Variants in DLG2 observed in about 807,000 individuals in gnomAD.
The protein encoded by DLG2 is discs large MAGUK scaffold protein 2.
A neutral mutation model predicts 132.5 loss-of-function variants in DLG2; 45 were observed. That is an observed-to-expected ratio of 0.34 (90% CI 0.27 to 0.44). The LOEUF (loss-of-function observed/expected upper bound fraction) is 0.44, where lower values mean the gene tolerates loss of function less well. Among genes scored for constraint, DLG2 ranks in the 20% least tolerant of loss-of-function variants. The probability of loss-of-function intolerance (pLI) is 1.00; values close to 1 mark genes in which losing one functional copy is unlikely to be tolerated. For missense variants in DLG2, 1,045 were observed against 1,196.9 expected (o/e 0.87, Z 1.87); for synonymous variants, 424 against 419.6 (o/e 1.01, Z -0.13).
At chr11:84,192,055 C>T (rs1195987610) in intron 8 of DLG2, among the ~76,000 whole-genome samples, 1 of 151,822 alleles carries the variant, frequency 6.6e-6, no homozygotes, top group Non-Finnish European at 1.5e-5. Flanking sequence ...TTTTAAAGGA[C>T]ACATTAATCC....
At chr11:85,130,202 C>T (rs2075561215) in intron 5 of DLG2, among the ~76,000 whole-genome samples, 1 of 152,076 alleles carries the variant, frequency 6.6e-6, no homozygotes, top group African/African-American at 2.4e-5. Context: ...ACTTAAAGTA[C>T]AATTCTAAAA....
chr11:83,640,061 CTCTT>C (rs1433422867), intron 18 of DLG2, among the ~76,000 whole-genome samples: 1 of 152,182 alleles, frequency 6.6e-6, no homozygotes, highest in Admixed American at 6.5e-5. Context: ...CAGTGGCACC[CTCTT>C]TCTATTTGTT....
intron 13 of DLG2, 78 bp downstream of exon 13, chr11:83,965,246 G>C (rs1270120682): frequency 1.4e-6 from 2 of 1,452,770 alleles, no homozygotes; most frequent in Non-Finnish European, 1.9e-6. Context: ...GGTACAAGTA[G>C]AACACTTTGT....
intron 21 of DLG2, among the ~76,000 whole-genome samples, chr11:83,521,004 C>G (rs955050600): frequency 6.6e-6 from 1 of 152,144 alleles, no homozygotes; most frequent in Non-Finnish European, 1.5e-5. Context: ...CAAATGTTTG[C>G]CAGACCATTT....
At chr11:83,643,914 T>A (rs1454659002) in intron 18 of DLG2, among the ~76,000 whole-genome samples, 1 of 152,084 alleles carries the variant, frequency 6.6e-6, no homozygotes, top group Admixed American at 6.6e-5. Flanking sequence ...GTTCCTGACA[T>A]GAACATGTCC....
At chr11:84,420,645 GTTTTCTTTTTTT>G (rs1347410960) in intron 7 of DLG2, among the ~76,000 whole-genome samples, 109 of 48,946 alleles carry the variant, frequency 2.2e-3, no homozygotes, top group Middle Eastern at 0.018. Context: ...ACCAATGCTT[GTTTTCTTTTTTT>G]TTTTTTTTTT....
rs1597106229 is a variant in DLG2 at position 85,414,055 on chromosome 11, G to T, written c.41-128690C>A. Among the ~76,000 whole-genome samples the T allele has an allele frequency of 4.6e-5, 7 of 152,064 alleles. No homozygotes were observed. The South Asian group carries it at 1.5e-3, about 32-fold the overall frequency. The stretch of plus-strand genomic sequence containing the variant: ...GCATGGGATGTGTTTCCATTTGTTT[G>T]TGTCATCTATGATTTCTTTCAGCAG... On this transcript the variant is annotated intron_variant, in intron 3 of 27. Transcript: ENST00000376104.
At chr11:83,541,532 A>C in intron 20 of DLG2, 150 bp downstream of exon 20, 1 of 709,104 alleles carries the variant, frequency 1.4e-6, no homozygotes, top group Non-Finnish European at 2.2e-6. Context: ...AATTCATGTC[A>C]CCTGTCACCA....
At chr11:83,877,630 A>T (rs1009395125) in intron 15 of DLG2, among the ~76,000 whole-genome samples, 2 of 152,170 alleles carry the variant, frequency 1.3e-5, no homozygotes, top group East Asian at 1.9e-4. Context: ...CTCCTTTTAT[A>T]TTACACATGC....
chr11:84,421,895 T>C (rs917257570), intron 7 of DLG2, among the ~76,000 whole-genome samples: 1 of 152,184 alleles, frequency 6.6e-6, no homozygotes, highest in Non-Finnish European at 1.5e-5. Context: ...ACTTCTTATG[T>C]TAAGTATTTT....
chr11:83,485,322 G>GT (rs1230693732), intron 21 of DLG2, among the ~76,000 whole-genome samples: 1 of 152,084 alleles, frequency 6.6e-6, no homozygotes, highest in African/African-American at 2.4e-5. Context: ...TTATGCAAAT[G>GT]TTTTGTGGGG....
chr11:84,130,586 C>T (rs1392073094), intron 9 of DLG2, among the ~76,000 whole-genome samples: 3 of 150,714 alleles, frequency 2.0e-5, no homozygotes, highest in African/African-American at 7.3e-5. Context: ...TAGACACACA[C>T]ACACACACAC....
In DLG2 at chr11:84,135,885, A is replaced by G. The variant is rs111328888; in HGVS notation, c.624+27576T>C. Among the ~76,000 whole-genome samples the G allele has an allele frequency of 1.6e-3, 237 of 152,236 alleles. 1 individual carries two copies. The highest frequency in any genetic ancestry group is 5.4e-3 in the African/African-American group (225 of 41,552). On this transcript the variant is annotated intron_variant, in intron 9 of 27. Transcript: ENST00000376104. The stretch of plus-strand genomic sequence containing the variant: ...CATTGTGGGGACTTAAGCCTGGGAC[A>G]TAAAGACTAGTTAGGTGGCTGCTCT...
chr11:83,632,903 GC>G (rs2063818967), intron 19 of DLG2: 3 of 313,486 alleles, frequency 9.6e-6, no homozygotes, highest in Non-Finnish European at 1.8e-5. Flanking sequence ...GTCCACATAT[GC>G]CATTTAAGAT....
At position 84,027,849 on chromosome 11, in the gene DLG2, A is replaced by G. The variant is rs561221462; in HGVS notation, c.919+31466T>C. ...AACACAAAGATTTGTAAAATAATGT[A>G]GGTCTATTTAAAATTCCAGAGCATT... is the stretch of plus-strand genomic sequence containing the variant. On this transcript the variant is annotated intron_variant, in intron 11 of 27. Coordinates refer to ENST00000376104, the MANE Select transcript of DLG2 (RefSeq NM_001142699.3). Among the ~76,000 whole-genome samples the G allele has an allele frequency of 1.4e-4, 22 of 152,188 alleles. No individual in the cohort carries two copies. The East Asian group carries it at 4.1e-3, about 28-fold the overall frequency.
chr11:84,020,484 G>A (rs2095359671), intron 11 of DLG2, among the ~76,000 whole-genome samples: 1 of 152,120 alleles, frequency 6.6e-6, no homozygotes, highest in Admixed American at 6.6e-5. Context: ...ATATTTGAAT[G>A]TGAGAAAGAG....
intron 6 of DLG2, among the ~76,000 whole-genome samples, chr11:84,565,527 T>C (rs2099449965): frequency 6.6e-6 from 1 of 151,990 alleles, no homozygotes; most frequent in Non-Finnish European, 1.5e-5. Context: ...TGAATGAAGG[T>C]TTCCAACCCT....
intron 11 of DLG2, among the ~76,000 whole-genome samples, chr11:83,999,092 C>G (rs911518977): frequency 6.6e-6 from 1 of 152,162 alleles, no homozygotes; most frequent in African/African-American, 2.4e-5. Flanking sequence ...TGGCTACTAC[C>G]AGTCACACCT....
At chr11:84,899,911 A>G (rs1160996723) in intron 6 of DLG2, among the ~76,000 whole-genome samples, 2 of 152,044 alleles carry the variant, frequency 1.3e-5, no homozygotes, top group Admixed American at 1.3e-4. Flanking sequence ...CTGGGGTACC[A>G]TTTGGTAAAC....
Sources: allele counts gnomAD v4.1 joint callset (sites outside exome capture counted in the v4.1 genomes callset), GRCh38; gene constraint gnomAD v4.1.1; transcripts MANE v1.5; gene names NCBI Gene and HGNC (gene_info 2026-07-23, HGNC 2026-07-21).